TMOD4: variants seen among roughly 807,000 people sequenced by gnomAD.
TMOD4 encodes the protein tropomodulin-4.
TMOD4 carries 34 observed loss-of-function variants against 45.4 expected under a neutral mutation model. That is an observed-to-expected ratio of 0.75 (90% CI 0.57 to 1.00). The LOEUF (loss-of-function observed/expected upper bound fraction) is 1.00, where lower values mean the gene tolerates loss of function less well. TMOD4 is among the 50% of genes least tolerant of loss of function. The probability of loss-of-function intolerance (pLI) is 0.00; values close to 1 mark genes in which losing one functional copy is unlikely to be tolerated. For missense variants in TMOD4, 399 were observed against 437.5 expected, an observed-to-expected ratio of 0.91 and a Z score of 0.78; for synonymous variants, 131 against 153.9, an observed-to-expected ratio of 0.85 and a Z score of 1.10.
intron 7 of TMOD4, 46 bp downstream of exon 7, chr1:151,171,387 G>A (rs1283727307): frequency 1.3e-6 from 2 of 1,520,684 alleles, no homozygotes; most frequent in Admixed American, 1.7e-5. Context: ...TGCAACAGGT[G>A]CATGTAAGAT....
chr1:151,171,720 G>T lies in TMOD4; in HGVS notation c.531C>A (p.Pro177=). ...TCTCCTCAATGTTTGTGGGATTTGG[G>T]GGTTCATCCGGCACTGGCTTATACT... The part of the protein sequence containing the change: ...PDKYKPVPDE[P]PNPTNIEEIL... Residue 177 remains proline, a synonymous_variant, in exon 6 of 10, where the codon CCC becomes CCA. Transcript: ENST00000295314. 6.2e-7 allele frequency: 1 copy of T among 1,614,076 alleles called. No individual in the cohort carries two copies. The highest frequency in any genetic ancestry group is 8.5e-7 in the Non-Finnish European group (1 of 1,180,020).
intron 8 of TMOD4, 91 bp downstream of exon 8, chr1:151,170,829 C>T: frequency 6.5e-7 from 1 of 1,540,266 alleles, no homozygotes; most frequent in Non-Finnish European, 8.8e-7. Flanking sequence ...AGAATTCAAG[C>T]AAGATTAAGT....
rs587612885 is a variant in TMOD4 at position 151,170,075 on chromosome 1, G to A, written c.*6C>T. ...CCAGCGCTAGTTGGTAAAGGGAAAT[G>A]CAGTGTTATCTCTTCTTTTGCTGGC... is the stretch of plus-strand genomic sequence containing the variant. On this transcript the variant is annotated 3_prime_UTR_variant, in exon 10 of 10. Coordinates refer to ENST00000295314, the MANE Select transcript of TMOD4 (RefSeq NM_013353.3). 3.1e-6 allele frequency: 5 copies of A among 1,614,112 alleles called. No individual in the cohort carries two copies. The highest frequency in any genetic ancestry group is 2.7e-5 in the African/African-American group (2 of 75,046).
chr1:151,171,390 T>A (rs1219106752), intron 7 of TMOD4, 43 bp downstream of exon 7: 3 of 1,537,152 alleles, frequency 2.0e-6, no homozygotes, highest in Non-Finnish European at 2.7e-6. Flanking sequence ...AACAGGTGCA[T>A]GTAAGATGTG....
chr1:151,172,638 T>C (rs587709174), intron 4 of TMOD4, among the ~76,000 whole-genome samples: 23 of 151,052 alleles, frequency 1.5e-4, no homozygotes, highest in African/African-American at 5.6e-4. Context: ...ATGGTTCCAC[T>C]TTTTTTCCCC....
At chr1:151,174,624 C>T (rs961890420) in intron 2 of TMOD4, 77 bp from the exon 3 acceptor site, 76 of 1,595,018 alleles carry the variant, frequency 4.8e-5, no homozygotes, top group Non-Finnish European at 5.7e-5. Flanking sequence ...AAAACATCAC[C>T]GGACACCTTT....
rs1558210365 is a variant in TMOD4 at position 151,174,536 on chromosome 1, C to T, written c.135G>A (p.Leu45=). 1.2e-6 allele frequency: 2 copies of T among 1,613,916 alleles called. No homozygotes were observed. Among genetic ancestry groups the T allele is most frequent in the African/African-American group, 1.3e-5 (1 of 75,052 alleles). ...LQEMDPENML[L]PAGLRQRDQT... ...GGTCACGTTGTCTTAGTCCAGCTGG[C>T]AGGAGCATGTTCTTAGGGATGAGTT... Residue 45 remains leucine, a synonymous_variant, in exon 3 of 10, where the codon CTG becomes CTA. Coordinates refer to ENST00000295314, the MANE Select transcript of TMOD4 (RefSeq NM_013353.3).
intron 2 of TMOD4, 52 bp downstream of exon 2, chr1:151,174,701 C>T: frequency 1.2e-6 from 2 of 1,611,724 alleles, no homozygotes; most frequent in Non-Finnish European, 8.5e-7. Flanking sequence ...GAGCCCAACA[C>T]CCTTCCCAAA....
At chr1:151,174,728 T>C in intron 2 of TMOD4, 25 bp downstream of exon 2, 1 of 1,613,186 alleles carries the variant, frequency 6.2e-7, no homozygotes, top group Non-Finnish European at 8.5e-7. Flanking sequence ...GGACTGCCTC[T>C]GGTTCCCTGT....
At position 151,174,801 on chromosome 1, in the gene TMOD4, G is replaced by A. The variant is rs367804330; in HGVS notation, c.75C>T (p.Pro25=). 8.1e-6 allele frequency: 13 copies of A among 1,614,080 alleles called. No homozygotes were observed. The highest frequency in any genetic ancestry group is 2.7e-5 in the African/African-American group (2 of 75,032). The change falls in exon 2 of 10, where the codon CCC becomes CCT. Residue 25 remains proline (P), a synonymous_variant. Transcript: ENST00000295314. ...DEDEILRTLS[P]EELEQLDCEL... ...CGCAGTCCAGCTGCTCTAGCTCCTCGGGGCTCAAGGTCCTTAGGATCTCAT... is the reference window on the plus strand; with the variant it reads ...CGCAGTCCAGCTGCTCTAGCTCCTCAGGGCTCAAGGTCCTTAGGATCTCAT...
chr1:151,170,773 G>A, intron 8 of TMOD4, 110 bp from the exon 9 acceptor site: 1 of 1,526,230 alleles, frequency 6.6e-7, no homozygotes, highest in Non-Finnish European at 8.9e-7. Context: ...CACAGTGGGT[G>A]AAGAGAGATG....
chr1:151,171,314 A>AG (rs1683947261), intron 7 of TMOD4, 119 bp downstream of exon 7: 1 of 968,906 alleles, frequency 1.0e-6, no homozygotes, highest in African/African-American at 1.6e-5. Context: ...AGTCTCCATG[A>AG]GGGCTGCCCT....
At position 151,171,593 on chromosome 1, in the gene TMOD4, G is replaced by A. The variant is rs1390144832; in HGVS notation, c.618+40C>T. Reference sequence around the variant, plus strand: ...GCTAAGGGACTCTCGGATGTCAGTGGTTATCCGGTGTTATGGTTTGGAGGA... The same window carrying A: ...GCTAAGGGACTCTCGGATGTCAGTGATTATCCGGTGTTATGGTTTGGAGGA... On this transcript the variant is annotated intron_variant, in intron 6 of 9. Transcript: ENST00000295314. 2.5e-6 allele frequency: 4 copies of A among 1,614,150 alleles called. 1 individual carries two copies. In the South Asian group the frequency reaches 3.3e-5, roughly 13 times the overall value.
intron 7 of TMOD4, 31 bp downstream of exon 7, chr1:151,171,402 G>T: frequency 6.3e-7 from 1 of 1,577,348 alleles, no homozygotes; most frequent in Non-Finnish European, 8.7e-7. Context: ...TAAGATGTGG[G>T]GAGAGGGCTG....
At chr1:151,174,621 C>T in intron 2 of TMOD4, 74 bp from the exon 3 acceptor site, 1 of 1,595,706 alleles carries the variant, frequency 6.3e-7, no homozygotes, top group South Asian at 1.1e-5. Flanking sequence ...CCTAAAACAT[C>T]ACCGGACACC....
intron 8 of TMOD4, 44 bp from the exon 9 acceptor site, chr1:151,170,707 C>G: frequency 1.9e-6 from 3 of 1,608,972 alleles, no homozygotes; most frequent in Non-Finnish European, 2.5e-6. Flanking sequence ...CCTCTCTGGG[C>G]TGTTTACCAT....
intron 9 of TMOD4, 27 bp from the exon 10 acceptor site, chr1:151,170,130 G>A: frequency 6.2e-7 from 1 of 1,614,008 alleles, no homozygotes; most frequent in Non-Finnish European, 8.5e-7. Context: ...TTAAACATAA[G>A]TGTTTGTTCC....
intron 4 of TMOD4, 29 bp from the exon 5 acceptor site, chr1:151,172,386 G>GTTCCTTCTCATTCCCTGT: frequency 6.5e-7 from 1 of 1,550,154 alleles, no homozygotes; most frequent in Non-Finnish European, 8.9e-7. Context: ...GGAGTCACAG[G>GTTCCTTCTCATTCCCTGT]GAATGAGAAG....
chr1:151,173,042 C>T (rs1301008304), intron 4 of TMOD4, among the ~76,000 whole-genome samples: 2 of 152,074 alleles, frequency 1.3e-5, no homozygotes, highest in Admixed American at 6.6e-5. Flanking sequence ...AGGATGTTCT[C>T]GATCTCCTGA....
Sources: allele counts gnomAD v4.1 joint callset (sites outside exome capture counted in the v4.1 genomes callset), GRCh38; gene constraint gnomAD v4.1.1; transcripts MANE v1.5; gene names NCBI Gene and HGNC (gene_info 2026-07-23, HGNC 2026-07-21).